CDH4: variants seen among roughly 807,000 people sequenced by gnomAD.
The protein encoded by CDH4 is cadherin 4, also known as cadherin-4.
In CDH4, 33 loss-of-function variants were observed where a neutral mutation model predicts 86.0. That is an observed-to-expected ratio of 0.38 (90% confidence interval 0.29 to 0.51). The LOEUF (loss-of-function observed/expected upper bound fraction) is 0.51. Among genes scored for constraint, CDH4 ranks in the 20% least tolerant of loss-of-function variants. CDH4 has a pLI of 0.86. For missense variants in CDH4, 1,114 were observed against 1,307.4 expected (o/e 0.85, Z 2.28); for synonymous variants, 555 against 549.4 (o/e 1.01, Z -0.14).
At chr20:61,313,220 G>A (rs2084457442) in intron 2 of CDH4, among the ~76,000 whole-genome samples, 1 of 152,180 alleles carries the variant, frequency 6.6e-6, no homozygotes, top group Non-Finnish European at 1.5e-5. Context: ...TAGCCCGAGT[G>A]TCTGATGAGG....
chr20:61,677,147 G>A (rs932762693), intron 2 of CDH4, among the ~76,000 whole-genome samples: 2 of 152,176 alleles, frequency 1.3e-5, no homozygotes, highest in Admixed American at 6.5e-5. Context: ...TGCAGTATAC[G>A]CAGGAAGAAT....
intron 15 of CDH4, among the ~76,000 whole-genome samples, chr20:61,936,099 C>T (rs907628949): frequency 3.3e-5 from 5 of 152,044 alleles, no homozygotes; most frequent in Non-Finnish European, 5.9e-5. Context: ...AAAGCTTGTC[C>T]GTGGGAGTGC....
chr20:61,268,311 C>G (rs969573669), intron 2 of CDH4, among the ~76,000 whole-genome samples: 8 of 152,244 alleles, frequency 5.3e-5, no homozygotes, highest in African/African-American at 1.9e-4. Flanking sequence ...TTGACCTTGT[C>G]CTGCTCATGT....
chr20:61,936,139 T>C (rs2055179994), intron 15 of CDH4, among the ~76,000 whole-genome samples: 1 of 151,894 alleles, frequency 6.6e-6, no homozygotes, highest in African/African-American at 2.4e-5. Flanking sequence ...TTCTGACTTC[T>C]GTCCACCCTA....
At chr20:61,914,136 T>C (rs1213483554) in intron 9 of CDH4, among the ~76,000 whole-genome samples, 3 of 152,138 alleles carry the variant, frequency 2.0e-5, no homozygotes, top group Middle Eastern at 3.2e-3. Flanking sequence ...ACTGAGGCCA[T>C]TGAGGGGCCT....
At chr20:61,572,824 T>TGGATGGATGG (rs1555809980) in intron 2 of CDH4, among the ~76,000 whole-genome samples, 1 of 146,062 alleles carries the variant, frequency 6.8e-6, no homozygotes, top group African/African-American at 2.6e-5. Flanking sequence ...TTCAGAACAC[T>TGGATGGATGG]ATGGATGGAT....
chr20:61,713,195 A>T (rs2087911668), intron 2 of CDH4, among the ~76,000 whole-genome samples: 1 of 152,214 alleles, frequency 6.6e-6, no homozygotes. Flanking sequence ...ACATCCTCAC[A>T]AAATGGACTG....
chr20:61,404,565 G>T (rs1197216824), intron 2 of CDH4, among the ~76,000 whole-genome samples: 1 of 152,092 alleles, frequency 6.6e-6, no homozygotes, highest in Non-Finnish European at 1.5e-5. Flanking sequence ...GACGCCACTT[G>T]CATTGAGGCA....
intron 4 of CDH4, among the ~76,000 whole-genome samples, chr20:61,817,759 G>A (rs537927178): frequency 6.6e-6 from 1 of 152,352 alleles, no homozygotes; most frequent in East Asian, 1.9e-4. Context: ...CCCACCAGCA[G>A]GGAGGAGGCC....
At chr20:61,306,723 C>T (rs921170380) in intron 2 of CDH4, among the ~76,000 whole-genome samples, 2 of 152,220 alleles carry the variant, frequency 1.3e-5, no homozygotes, top group African/African-American at 4.8e-5. Flanking sequence ...TCAAACCAAA[C>T]ACACCCTTGG....
chr20:61,532,089 AG>A (rs1212544102), intron 2 of CDH4, among the ~76,000 whole-genome samples: 1 of 152,182 alleles, frequency 6.6e-6, no homozygotes, highest in African/African-American at 2.4e-5. Flanking sequence ...GATAAAACAC[AG>A]GTGTGAGCAA....
At chr20:61,701,103 C>T (rs1177110943) in intron 2 of CDH4, among the ~76,000 whole-genome samples, 2 of 152,152 alleles carry the variant, frequency 1.3e-5, no homozygotes, top group Non-Finnish European at 2.9e-5. Flanking sequence ...CTGTTCCAGG[C>T]CTCTCTCCTC....
At chr20:61,720,839 A>T (rs1256359917) in intron 2 of CDH4, among the ~76,000 whole-genome samples, 1 of 152,152 alleles carries the variant, frequency 6.6e-6, no homozygotes, top group Admixed American at 6.5e-5. Flanking sequence ...ACACCCTGCC[A>T]GGTAGAGGTG....
At position 61,606,121 on chromosome 20, in the gene CDH4, C is replaced by A. The variant is rs532106738; in HGVS notation, c.170-137442C>A. ...GATGGGCATGGCAGAGTCCTGAGGC[C>A]GGGCTGAACGGCAAAGAGTGGTAGC... is the stretch of plus-strand genomic sequence containing the variant. On this transcript the variant is annotated intron_variant, in intron 2 of 15. Transcript: ENST00000614565. 1.2e-4 allele frequency among the ~76,000 whole-genome samples: 18 copies of A among 152,260 alleles called. 2 individuals are homozygous for A. In the South Asian group the frequency reaches 3.5e-3, roughly 30 times the overall value.
At chr20:61,685,868 G>A (rs188526591) in intron 2 of CDH4, among the ~76,000 whole-genome samples, 1 of 152,314 alleles carries the variant, frequency 6.6e-6, no homozygotes, top group East Asian at 1.9e-4. Context: ...GGATAGTCCG[G>A]GCTGTGGGAT....
chr20:61,349,739 G>A (rs2084699069), intron 2 of CDH4, among the ~76,000 whole-genome samples: 1 of 152,196 alleles, frequency 6.6e-6, no homozygotes, highest in South Asian at 2.1e-4. Context: ...ACGGCTCTCA[G>A]GGGCAGTCTT....
intron 4 of CDH4, among the ~76,000 whole-genome samples, chr20:61,778,961 C>T (rs1978388428): frequency 6.6e-6 from 1 of 152,172 alleles, no homozygotes; most frequent in Admixed American, 6.5e-5. Flanking sequence ...CTCCTGTGGC[C>T]TTCAGGAACC....
chr20:61,760,792 C>T (rs1448251956), intron 3 of CDH4, among the ~76,000 whole-genome samples: 3 of 152,144 alleles, frequency 2.0e-5, no homozygotes, highest in Non-Finnish European at 4.4e-5. Context: ...GTAAGAAATT[C>T]GGTGGTGCTC....
chr20:61,849,676 C>T (rs554205119), intron 5 of CDH4, among the ~76,000 whole-genome samples: 1 of 152,290 alleles, frequency 6.6e-6, no homozygotes, highest in East Asian at 1.9e-4. Context: ...TTCGGGGGGC[C>T]ACAGCCACCC....
Sources: gnomAD v4.1 joint callset for allele counts (sites outside exome capture counted in the v4.1 genomes callset) on GRCh38, gnomAD v4.1.1 for gene constraint, MANE v1.5 for transcripts, NCBI Gene and HGNC (gene_info 2026-07-23, HGNC 2026-07-21) for gene names.